Variants in DYSF observed in about 807,000 individuals in gnomAD.
The protein encoded by DYSF is dystrophy-associated fer-1-like 1.
In DYSF, 212 loss-of-function variants were observed where a neutral mutation model predicts 274.9. That is an observed-to-expected ratio of 0.77 (90% CI 0.69 to 0.86). DYSF has a LOEUF of 0.86. DYSF is among the 40% of genes least tolerant of loss of function. The pLI, the probability that DYSF is intolerant of heterozygous loss-of-function variation, is 0.00. For missense variants in DYSF, 2,666 were observed against 2,783.2 expected (o/e 0.96, Z 0.95); for synonymous variants, 1,091 against 1,078.7 (o/e 1.01, Z -0.22).
At chr2:71,558,031 C>CAA (rs58123195) in intron 22 of DYSF, among the ~76,000 whole-genome samples, 11 of 132,466 alleles carry the variant, frequency 8.3e-5, no homozygotes, top group African/African-American at 2.5e-4. Flanking sequence ...GACTCTGTCT[C>CAA]AAAAAAAAAA....
chr2:71,665,062 G>A (rs1480314510), intron 46 of DYSF, 100 bp from the exon 47 acceptor site: 13 of 1,585,104 alleles, frequency 8.2e-6, no homozygotes, highest in Admixed American at 3.3e-5. Flanking sequence ...AGCAAGGAGT[G>A]GGCAATGCTG....
At chr2:71,508,193 A>T (rs1311246809) in intron 4 of DYSF, among the ~76,000 whole-genome samples, 1 of 152,216 alleles carries the variant, frequency 6.6e-6, no homozygotes, top group Non-Finnish European at 1.5e-5. Flanking sequence ...GTATGGTACA[A>T]AGAGTATTTT....
intron 1 of DYSF, among the ~76,000 whole-genome samples, chr2:71,467,615 C>G (rs985414820): frequency 2.0e-5 from 3 of 152,232 alleles, no homozygotes; most frequent in South Asian, 4.1e-4. Flanking sequence ...TCCCCCAACC[C>G]CTCCAAGGCA....
chr2:71,527,676 G>A (rs1208203246), intron 13 of DYSF, among the ~76,000 whole-genome samples: 1 of 152,082 alleles, frequency 6.6e-6, no homozygotes, highest in Admixed American at 6.5e-5. Flanking sequence ...ATTAGCTAGC[G>A]TATAATCTTT....
intron 1 of DYSF, among the ~76,000 whole-genome samples, chr2:71,477,942 G>C (rs1426443075): frequency 6.6e-6 from 1 of 151,930 alleles, no homozygotes; most frequent in African/African-American, 2.4e-5. Flanking sequence ...AGTCTCAGCA[G>C]TTTGAATGCT....
Position 71,568,170 on chromosome 2 carries a change from A to G in DYSF, c.2698-2A>G, listed in dbSNP as rs1420930684. ...CACGCCTCATTCTTCCTGGCCCTCC[A>G]GTATGAGAACGAGACTAAGTTGGCC... On this transcript the variant is annotated splice_acceptor_variant, in intron 25 of 55. Coordinates refer to ENST00000410020, the MANE Select transcript of DYSF (RefSeq NM_001130987.2). LOFTEE classifies it high-confidence loss of function. The G allele has an allele frequency of 1.9e-6, 3 of 1,614,126 alleles. No individual in the cohort carries two copies. The East Asian group carries it at 6.7e-5, about 36-fold the overall frequency.
intron 3 of DYSF, among the ~76,000 whole-genome samples, chr2:71,500,837 G>C (rs2152711426): frequency 6.6e-6 from 1 of 152,124 alleles, no homozygotes; most frequent in East Asian, 2.0e-4. Flanking sequence ...GATTGACAGG[G>C]AACCTAGATA....
intron 3 of DYSF, among the ~76,000 whole-genome samples, chr2:71,491,982 C>T (rs940825467): frequency 3.3e-5 from 5 of 152,148 alleles, no homozygotes; most frequent in Admixed American, 2.0e-4. Flanking sequence ...TGCCAGCCCC[C>T]GCTTCTGGCA....
chr2:71,640,267 T>G (rs2094466533), intron 41 of DYSF, among the ~76,000 whole-genome samples: 1 of 152,272 alleles, frequency 6.6e-6, no homozygotes, highest in African/African-American at 2.4e-5. Flanking sequence ...ACTATTGCTT[T>G]AAAATATTCT....
At chr2:71,551,425 T>A (rs2090934373) in intron 18 of DYSF, among the ~76,000 whole-genome samples, 182 bp from the exon 19 acceptor site, 1 of 152,202 alleles carries the variant, frequency 6.6e-6, no homozygotes, top group South Asian at 2.1e-4. Flanking sequence ...TCCATCTGGG[T>A]GGCTTGTCAT....
intron 17 of DYSF, among the ~76,000 whole-genome samples, chr2:71,541,566 A>C (rs1170417175): frequency 6.6e-6 from 1 of 150,656 alleles, no homozygotes; most frequent in East Asian, 1.9e-4. Flanking sequence ...TTGGACTTTT[A>C]ATCTTTGCAC....
intron 32 of DYSF, among the ~76,000 whole-genome samples, chr2:71,595,404 A>G (rs948858865): frequency 2.6e-5 from 4 of 152,194 alleles, no homozygotes; most frequent in African/African-American, 4.8e-5. Context: ...AGTACATACG[A>G]TCATGGCCGA....
chr2:71,462,468 G>A (rs564262703), upstream of DYSF, among the ~76,000 whole-genome samples: 29 of 152,296 alleles, frequency 1.9e-4, no homozygotes, highest in South Asian at 4.1e-4. Context: ...TCTCGTTCTC[G>A]TTGCCTGCAA....
At chr2:71,466,477 C>A (rs956199974), upstream of DYSF, among the ~76,000 whole-genome samples, 18 of 152,170 alleles carry the variant, frequency 1.2e-4, no homozygotes, top group Non-Finnish European at 2.1e-4. Context: ...GCGCCTTGTG[C>A]GCTCTCGGAG....
chr2:71,564,187 G>C lies in DYSF; in HGVS notation c.2539G>C (p.Gly847Arg). ...RGANYCGKNCGKLQTIFLKYP... is the reference protein window; with the variant it reads ...RGANYCGKNCRKLQTIFLKYP... ...TGCCAACTACTGTGGCAAGAATTGT[G>C]GGAAGCTACAGACAATCTTTCTGAA... Residue 847 changes from glycine to arginine, a missense_variant, in exon 24 of 56, where the codon GGG becomes CGG. By Grantham distance (125) the Gly-to-Arg change is moderately radical. Around this residue, in one of 3 missense-constraint regions of DYSF, gnomAD observed 412 missense variants for 504.0 expected, o/e 0.82. Transcript: ENST00000410020. 1 of 1,614,254 alleles carries C rather than the reference G, an allele frequency of 6.2e-7. No individual in the cohort carries two copies.
chr2:71,613,542 G>T (rs2093816894), intron 40 of DYSF, 132 bp downstream of exon 40: 7 of 857,656 alleles, frequency 8.2e-6, no homozygotes, highest in Non-Finnish European at 1.4e-5. Flanking sequence ...TCTGCGGTTG[G>T]ACACTGTCCA....
At chr2:71,540,391 G>C (rs967151050) in intron 17 of DYSF, among the ~76,000 whole-genome samples, 1 of 152,042 alleles carries the variant, frequency 6.6e-6, no homozygotes, top group African/African-American at 2.4e-5. Flanking sequence ...TTACAGGCAT[G>C]AGTCACTGCA....
intron 41 of DYSF, among the ~76,000 whole-genome samples, chr2:71,623,940 A>G (rs1012977818): frequency 6.6e-6 from 1 of 152,112 alleles, no homozygotes. Context: ...GTGGTGGCAC[A>G]TGCCTGTAGT....
intron 24 of DYSF, 47 bp from the exon 25 acceptor site, chr2:71,567,904 C>T (rs769886964): frequency 2.2e-5 from 35 of 1,607,966 alleles, no homozygotes; most frequent in Non-Finnish European, 2.7e-5. Flanking sequence ...CTGGGACATC[C>T]GGATCCTGAA....
Sources: gnomAD v4.1 joint callset for allele counts (sites outside exome capture counted in the v4.1 genomes callset) on GRCh38, gnomAD v4.1.1 for gene constraint, gnomAD v4.1.1 regional missense constraint, MANE v1.5 for transcripts, NCBI Gene and HGNC (gene_info 2026-07-23, HGNC 2026-07-21) for gene names.